RAD54B: variants seen among roughly 807,000 people sequenced by gnomAD.
RAD54B encodes RAD54 homolog B.
Under a neutral mutation model 95.8 loss-of-function variants are expected in RAD54B, and 78 were observed. That is an observed-to-expected ratio of 0.81 (90% CI 0.68 to 0.98). The LOEUF (loss-of-function observed/expected upper bound fraction) is 0.98, where lower values mean the gene tolerates loss of function less well. RAD54B is among the 50% of genes least tolerant of loss of function. RAD54B has a pLI of 0.00. For missense variants in RAD54B, 957 were observed against 1,056.6 expected (o/e 0.91, Z 1.31); for synonymous variants, 328 against 354.9 (o/e 0.92, Z 0.85).
chr8:94,378,677 A>G, intron 12 of RAD54B, 43 bp from the exon 13 acceptor site: 1 of 1,345,510 alleles, frequency 7.4e-7, no homozygotes, highest in Non-Finnish European at 1.0e-6. Flanking sequence ...AGTAGAAACT[A>G]ATGGCCCCTT....
At position 94,411,052 on chromosome 8, in the gene RAD54B, T is replaced by A. The variant is rs959706246; in HGVS notation, c.499+69A>T. On this transcript the variant is annotated intron_variant, in intron 4 of 14. Transcript: ENST00000336148. ...TCTCTTTATAAAACCCAATTACATTTCAATTATGTAACCGGAGATACATAC... is the reference window on the plus strand; with the variant it reads ...TCTCTTTATAAAACCCAATTACATTACAATTATGTAACCGGAGATACATAC... The A allele has an allele frequency of 2.5e-6, 3 of 1,216,462 alleles. No individual in the cohort carries two copies. The Admixed American group carries it at 7.2e-5, about 29-fold the overall frequency. The allele number at this position is 1,216,462 out of a possible 1,614,324, so 75.4% of individuals were successfully genotyped here. A position where few individuals can be genotyped will look rare whatever the true frequency, so the allele number is the denominator to read the frequency against.
At chr8:94,418,248 T>C (rs886674838) in intron 3 of RAD54B, among the ~76,000 whole-genome samples, 1 of 152,182 alleles carries the variant, frequency 6.6e-6, no homozygotes, top group Non-Finnish European at 1.5e-5. Flanking sequence ...AATCTGTGCA[T>C]CTCTGGTTAT....
chr8:94,421,035 C>T (rs1811795671), intron 3 of RAD54B, among the ~76,000 whole-genome samples: 1 of 151,460 alleles, frequency 6.6e-6, no homozygotes, highest in African/African-American at 2.4e-5. Flanking sequence ...CTGTCTACCC[C>T]ATTGTTTCCA....
At chr8:94,441,237 G>A (rs935493101) in intron 3 of RAD54B, among the ~76,000 whole-genome samples, 5 of 152,258 alleles carry the variant, frequency 3.3e-5, no homozygotes, top group South Asian at 2.1e-4. Context: ...GTAGCTTGCC[G>A]ATGCTCCCAG....
At chr8:94,378,672 A>C (rs772309341) in intron 12 of RAD54B, 38 bp from the exon 13 acceptor site, 2 of 1,395,174 alleles carry the variant, frequency 1.4e-6, no homozygotes, top group Admixed American at 4.0e-5. Flanking sequence ...AGTACAGTAG[A>C]AACTAATGGC....
At chr8:94,431,089 A>T in intron 3 of RAD54B, 1 of 984,266 alleles carries the variant, frequency 1.0e-6, no homozygotes, top group Non-Finnish European at 1.2e-6. Flanking sequence ...CAGCAAAAAT[A>T]GAAATTCTTA....
intron 3 of RAD54B, chr8:94,429,884 A>C: frequency 2.0e-6 from 2 of 985,368 alleles, no homozygotes; most frequent in Non-Finnish European, 2.4e-6. Flanking sequence ...CATAACTTAA[A>C]TTTCTGATTT....
intron 3 of RAD54B, chr8:94,427,875 C>T (rs1811983604): frequency 1.0e-6 from 1 of 956,848 alleles, no homozygotes; most frequent in African/African-American, 1.8e-5. Context: ...ATGAAAAAAA[C>T]TCATAGTTTA....
Position 94,404,070 on chromosome 8 carries a change from T to TTC in RAD54B, c.944+5_944+6dup. On this transcript the variant is annotated splice_region_variant and intron_variant, in intron 6 of 14. Transcript: ENST00000336148. ...GATTAGATTAAACAAATGATTTATTTTCCTACCTCATTCCCATTACACATT... is the reference window on the plus strand; with the variant it reads ...GATTAGATTAAACAAATGATTTATTTTCTCCTACCTCATTCCCATTACACATT... 6.4e-7 allele frequency: 1 copy of TTC among 1,572,718 alleles called. No individual in the cohort carries two copies. Among genetic ancestry groups the TTC allele is most frequent in the Non-Finnish European group, 8.6e-7 (1 of 1,158,264 alleles).
chr8:94,376,302 T>G (rs1009799460), intron 14 of RAD54B, among the ~76,000 whole-genome samples: 2 of 151,932 alleles, frequency 1.3e-5, no homozygotes, highest in Non-Finnish European at 2.9e-5. Flanking sequence ...AAATAACTCA[T>G]GAGACAAAGA....
chr8:94,378,769 T>C, intron 12 of RAD54B, 135 bp from the exon 13 acceptor site: 1 of 625,710 alleles, frequency 1.6e-6, no homozygotes, highest in Non-Finnish European at 2.7e-6. Flanking sequence ...AAATCTCAGG[T>C]GTGTGAAGCA....
At chr8:94,387,197 TG>T (rs1810910312) in intron 10 of RAD54B, 38 bp from the exon 11 acceptor site, 2 of 1,491,704 alleles carry the variant, frequency 1.3e-6, no homozygotes, top group East Asian at 2.4e-5. Context: ...GGCTCAAGTT[TG>T]TTTTTTTAAT....
chr8:94,400,216 G>A (rs775317738), intron 7 of RAD54B, 22 bp downstream of exon 7: 1 of 1,591,212 alleles, frequency 6.3e-7, no homozygotes, highest in East Asian at 2.2e-5. Context: ...AATGACTAAG[G>A]CTAAACTTTT....
chr8:94,411,160 A>T lies in RAD54B; in HGVS notation c.460T>A (p.Phe154Ile). 1 of 1,610,212 alleles carries T rather than the reference A, an allele frequency of 6.2e-7. No homozygotes were observed. Among genetic ancestry groups the T allele is most frequent in the South Asian group, 1.1e-5 (1 of 90,210 alleles). Residue 154 changes from phenylalanine to isoleucine, a missense_variant, in exon 4 of 15, where the codon TTT (phenylalanine) becomes ATT (isoleucine). Physicochemically the swap from Phe to Ile is conservative, Grantham distance 21. Transcript: ENST00000336148. ...TTGCCTTCCAAATTCTTTAATATAAATGACTTTCCTTTTACAATAAGAACA... is the reference window on the plus strand; with the variant it reads ...TTGCCTTCCAAATTCTTTAATATAATTGACTTTCCTTTTACAATAAGAACA... ...DAVLIVKGKS[F>I]ILKNLEGKDI...
At chr8:94,390,416 C>G (rs1486726913) in intron 10 of RAD54B, among the ~76,000 whole-genome samples, 1 of 151,282 alleles carries the variant, frequency 6.6e-6, no homozygotes, top group East Asian at 1.9e-4. Context: ...AGGAGAATCG[C>G]TTGAACGTGG....
intron 4 of RAD54B, 95 bp downstream of exon 4, chr8:94,411,026 A>T: frequency 2.2e-6 from 2 of 904,044 alleles, no homozygotes; most frequent in Non-Finnish European, 3.4e-6. Flanking sequence ...ATACCTTATC[A>T]TCTCTTTATA....
Position 94,372,018 on chromosome 8 carries a change from T to C in RAD54B, c.*152A>G, listed in dbSNP as rs920816553. On this transcript the variant is annotated 3_prime_UTR_variant, in exon 15 of 15. Transcript: ENST00000336148. ...TAAACACTTAATATTTACAAAACATTAAACCACTCAATTTTGACTATTGTA... is the reference window on the plus strand; with the variant it reads ...TAAACACTTAATATTTACAAAACATCAAACCACTCAATTTTGACTATTGTA... 11 of 1,304,048 alleles carry C rather than the reference T, an allele frequency of 8.4e-6. No homozygotes were observed. The highest frequency in any genetic ancestry group is 1.1e-5 in the Non-Finnish European group (11 of 998,872). The allele number at this position is 1,304,048 out of a possible 1,614,324, so 80.8% of individuals were successfully genotyped here. A position where few individuals can be genotyped will look rare whatever the true frequency, so the allele number is the denominator to read the frequency against.
chr8:94,431,046 A>G, intron 3 of RAD54B: 1 of 985,284 alleles, frequency 1.0e-6, no homozygotes, highest in Non-Finnish European at 1.2e-6. Flanking sequence ...CCATTCTACA[A>G]CTTGGCTTAA....
intron 3 of RAD54B, among the ~76,000 whole-genome samples, chr8:94,422,660 A>T (rs1172904091): frequency 8.3e-6 from 1 of 120,170 alleles, no homozygotes; most frequent in Non-Finnish European, 1.7e-5. Flanking sequence ...ATATAAAATT[A>T]TCAGTGTTAC....
Sources: gnomAD v4.1 joint callset for allele counts (sites outside exome capture counted in the v4.1 genomes callset) on GRCh38, gnomAD v4.1.1 for gene constraint, MANE v1.5 for transcripts, NCBI Gene and HGNC (gene_info 2026-07-23, HGNC 2026-07-21) for gene names.